RANBP2: variants seen among roughly 807,000 people sequenced by gnomAD.
RANBP2 encodes the protein E3 SUMO-protein ligase RanBP2.
In RANBP2, 57 loss-of-function variants were observed where a neutral mutation model predicts 303.6. That is an observed-to-expected ratio of 0.19 (90% CI 0.15 to 0.23). RANBP2 has a LOEUF of 0.23. RANBP2 is among the 10% of genes least tolerant of loss of function. RANBP2 has a pLI of 1.00. For synonymous variants in RANBP2, 1,167 were observed against 1,301.5 expected, an observed-to-expected ratio of 0.90 and a Z score of 2.23; for missense variants, 3,138 against 3,780.8, an observed-to-expected ratio of 0.83 and a Z score of 4.46.
At chr2:108,898,697 T>C in the RANBP2 span, among the ~76,000 whole-genome samples, 1 of 152,164 alleles carries the variant, frequency 6.6e-6, no homozygotes, top group Non-Finnish European at 1.5e-5. Flanking sequence ...ATTATGAACA[T>C]GCTTAAATGC....
chr2:109,076,333 T>A, the RANBP2 span, among the ~76,000 whole-genome samples: 2 of 150,776 alleles, frequency 1.3e-5, no homozygotes. Context: ...ACTAACATCA[T>A]AATAATTGAA....
the RANBP2 span, among the ~76,000 whole-genome samples, chr2:108,965,180 T>C: frequency 6.6e-6 from 1 of 152,110 alleles, no homozygotes; most frequent in Non-Finnish European, 1.5e-5. Context: ...ATTATATCTT[T>C]TAATGACAAC....
At chr2:109,384,434 C>T in the RANBP2 span, among the ~76,000 whole-genome samples, 1 of 151,934 alleles carries the variant, frequency 6.6e-6, no homozygotes, top group East Asian at 1.9e-4. Flanking sequence ...GGGAGCAGGT[C>T]CAGGGGTGGC....
the RANBP2 span, among the ~76,000 whole-genome samples, chr2:109,577,822 A>C: frequency 1.3e-5 from 2 of 151,094 alleles, no homozygotes; most frequent in East Asian, 3.9e-4. Context: ...CTGAGGCTTA[A>C]GAATCACTTG....
chr2:109,298,298 C>T, the RANBP2 span, among the ~76,000 whole-genome samples: 1 of 135,360 alleles, frequency 7.4e-6, no homozygotes, highest in Non-Finnish European at 1.7e-5. Context: ...GCTGGCTAGA[C>T]AGGCGGGAAG....
At chr2:108,985,509 C>T in the RANBP2 span, among the ~76,000 whole-genome samples, 143,195 of 152,266 alleles carry the variant, frequency 0.94, 67,936 homozygotes, top group East Asian at 1. Flanking sequence ...TCTGTTTTCT[C>T]GGAAATGGAA....
the RANBP2 span, among the ~76,000 whole-genome samples, chr2:109,748,021 T>TC: frequency 1.3e-5 from 1 of 76,054 alleles, no homozygotes; most frequent in African/African-American, 6.1e-5. Flanking sequence ...CTTTTTTTTT[T>TC]TTTTTTTTTT....
chr2:109,656,668 A>G, the RANBP2 span, among the ~76,000 whole-genome samples: 14 of 152,238 alleles, frequency 9.2e-5, no homozygotes, highest in Non-Finnish European at 1.3e-4. Context: ...AAGGAAGCGC[A>G]GACTGCTCAG....
At chr2:109,008,063 A>G in the RANBP2 span, among the ~76,000 whole-genome samples, 12 of 152,192 alleles carry the variant, frequency 7.9e-5, no homozygotes, top group Non-Finnish European at 2.9e-5. Flanking sequence ...CAACCCTTCA[A>G]CATGAGAGCA....
the RANBP2 span, among the ~76,000 whole-genome samples, chr2:109,439,313 C>T: frequency 6.6e-6 from 1 of 152,164 alleles, no homozygotes; most frequent in Admixed American, 6.5e-5. Flanking sequence ...CAGCACTTGT[C>T]CCCACGCTAT....
chr2:109,345,612 C>T, the RANBP2 span, among the ~76,000 whole-genome samples: 1 of 152,230 alleles, frequency 6.6e-6, no homozygotes, highest in East Asian at 1.9e-4. Context: ...TCTTTTCTTA[C>T]ATCCCTTCAA....
chr2:108,843,721 T>G, the RANBP2 span, among the ~76,000 whole-genome samples: 1 of 152,082 alleles, frequency 6.6e-6, no homozygotes. Flanking sequence ...TTGACTATGA[T>G]GGGTCTTGGT....
the RANBP2 span, among the ~76,000 whole-genome samples, chr2:109,413,314 A>G: frequency 1.3e-5 from 2 of 152,146 alleles, no homozygotes; most frequent in Non-Finnish European, 2.9e-5. Context: ...GGGTTTCACC[A>G]TGTTGGCCAG....
the RANBP2 span, among the ~76,000 whole-genome samples, chr2:109,570,277 G>A: frequency 6.6e-6 from 1 of 151,944 alleles, no homozygotes. Context: ...GACCTTTACC[G>A]TTACCATAAA....
the RANBP2 span, among the ~76,000 whole-genome samples, chr2:109,763,319 C>A: frequency 6.6e-6 from 1 of 150,396 alleles, no homozygotes; most frequent in African/African-American, 2.4e-5. Context: ...TTATTAGTTC[C>A]ATTTTACAGA....
At chr2:108,799,753 C>T in the RANBP2 span, among the ~76,000 whole-genome samples, 1 of 152,118 alleles carries the variant, frequency 6.6e-6, no homozygotes, top group Non-Finnish European at 1.5e-5. Flanking sequence ...CTTGGATCTC[C>T]AGTGACTCCT....
the RANBP2 span, among the ~76,000 whole-genome samples, chr2:109,036,342 G>A: frequency 3.3e-5 from 5 of 152,124 alleles, no homozygotes; most frequent in Admixed American, 3.3e-4. Context: ...CATTGTATAA[G>A]GCTAGTATTA....
In RANBP2 at chr2:108,783,964, C is replaced by T. The variant is rs1394294935; in HGVS notation, c.*63C>T. The T allele has an allele frequency of 2.8e-6, 4 of 1,450,062 alleles. No homozygotes were observed. Among genetic ancestry groups the T allele is most frequent in the Non-Finnish European group, 3.8e-6 (4 of 1,047,612 alleles). The allele number at this position is 1,450,062 out of a possible 1,614,324, so 89.8% of individuals were successfully genotyped here. On this transcript the variant is annotated 3_prime_UTR_variant, in exon 29 of 29. Transcript: ENST00000283195. ...CAGTTGGATTGAAGCTTAGCTATTA[C>T]AATTTGATAGTTATGTTCAGCTTTT...
At chr2:108,749,587 T>C (rs4012061) in intron 9 of RANBP2, among the ~76,000 whole-genome samples, 148,721 of 151,802 alleles carry the variant, frequency 0.98, 72,919 homozygotes, top group East Asian at 1. Flanking sequence ...TGTGAGCCAC[T>C]GCGACCAGCC....
Sources: gnomAD v4.1 joint callset for allele counts (sites outside exome capture counted in the v4.1 genomes callset) on GRCh38, gnomAD v4.1.1 for gene constraint, MANE v1.5 for transcripts, NCBI Gene and HGNC (gene_info 2026-07-23, HGNC 2026-07-21) for gene names.